NETO2: variants seen among roughly 807,000 people sequenced by gnomAD.
NETO2 encodes neuropilin and tolloid-like protein 2.
A neutral mutation model predicts 62.5 loss-of-function variants in NETO2; 28 were observed. The observed-to-expected ratio is 0.45, with a 90% confidence interval of 0.33 to 0.61. The LOEUF is 0.61. Among genes scored for constraint, NETO2 ranks in the 20% least tolerant of loss-of-function variants. The pLI, the probability that NETO2 is intolerant of heterozygous loss-of-function variation, is 0.02. For missense variants in NETO2, 548 were observed against 643.2 expected (o/e 0.85, Z 1.60); for synonymous variants, 214 against 219.1 (o/e 0.98, Z 0.21).
At chr16:47,090,327 C>T (rs917322843) in intron 7 of NETO2, among the ~76,000 whole-genome samples, 2 of 152,158 alleles carry the variant, frequency 1.3e-5, no homozygotes, top group African/African-American at 2.4e-5. Flanking sequence ...TTAATAATTA[C>T]ACCTACATTA....
At chr16:47,130,435 C>T (rs1313897391) in intron 2 of NETO2, among the ~76,000 whole-genome samples, 1 of 150,318 alleles carries the variant, frequency 6.7e-6, no homozygotes, top group East Asian at 2.0e-4. Flanking sequence ...AGGAAAATCT[C>T]TAATATAAAT....
At chr16:47,132,097 ATTGGATG>A in intron 1 of NETO2, 72 bp from the exon 2 acceptor site, 9 of 1,136,638 alleles carry the variant, frequency 7.9e-6, no homozygotes, top group Admixed American at 5.9e-5. Flanking sequence ...AATAAATAAA[ATTGGATG>A]ACAAAAAAAG....
chr16:47,095,365 A>G (rs1963407534), intron 7 of NETO2, among the ~76,000 whole-genome samples: 6 of 152,216 alleles, frequency 3.9e-5, no homozygotes, highest in Admixed American at 3.9e-4. Flanking sequence ...CTCATCAGCA[A>G]TTAAACATAA....
At chr16:47,139,983 G>A (rs1964431321) in intron 1 of NETO2, among the ~76,000 whole-genome samples, 2 of 152,138 alleles carry the variant, frequency 1.3e-5, no homozygotes, top group Admixed American at 1.3e-4. Flanking sequence ...TGTTACTCCA[G>A]GCATATTTAA....
chr16:47,133,299 C>T (rs139922554), intron 1 of NETO2, among the ~76,000 whole-genome samples: 26 of 151,748 alleles, frequency 1.7e-4, no homozygotes, highest in African/African-American at 4.1e-4. Context: ...GAGGGCAGGG[C>T]GCTGGTGGCT....
At chr16:47,127,267 T>C (rs984039529) in intron 4 of NETO2, among the ~76,000 whole-genome samples, 1 of 152,198 alleles carries the variant, frequency 6.6e-6, no homozygotes, top group East Asian at 1.9e-4. Context: ...GCATTAGGGA[T>C]ATGTACACGC....
Position 47,119,560 on chromosome 16 carries a change from T to G in NETO2, c.654+3097A>C, listed in dbSNP as rs544218747. 4.1e-5 allele frequency among the ~76,000 whole-genome samples: 6 copies of G among 147,626 alleles called. No individual in the cohort carries two copies. In the South Asian group the frequency reaches 1.3e-3, roughly 31 times the overall value. ...CTGATTTATTCTTTTTGTATCTTCG[T>G]TTTTTTTTTTAATTTCTGTTTTATG... On this transcript the variant is annotated intron_variant, in intron 6 of 8. Coordinates refer to ENST00000562435, the MANE Select transcript of NETO2 (RefSeq NM_018092.5).
chr16:47,119,867 T>C (rs1288482659), intron 6 of NETO2, among the ~76,000 whole-genome samples: 1 of 152,250 alleles, frequency 6.6e-6, no homozygotes, highest in South Asian at 2.1e-4. Context: ...CATGATGCTC[T>C]GCATATATGT....
intron 2 of NETO2, among the ~76,000 whole-genome samples, chr16:47,129,985 T>C (rs561616758): frequency 1.3e-5 from 2 of 152,320 alleles, no homozygotes; most frequent in East Asian, 3.9e-4. Context: ...AAAGTCTGTT[T>C]AGAATGAGTT....
chr16:47,089,185 G>C (rs1963260130), intron 7 of NETO2, among the ~76,000 whole-genome samples: 1 of 152,134 alleles, frequency 6.6e-6, no homozygotes, highest in Non-Finnish European at 1.5e-5. Flanking sequence ...CACCTGCGGA[G>C]TACTCAGCGG....
chr16:47,140,921 A>G (rs989159002), intron 1 of NETO2, among the ~76,000 whole-genome samples: 2 of 152,256 alleles, frequency 1.3e-5, no homozygotes, highest in African/African-American at 4.8e-5. Context: ...AGTGTGCAGA[A>G]TAAGAACAAA....
intron 1 of NETO2, among the ~76,000 whole-genome samples, chr16:47,143,057 C>A (rs1009764227): frequency 6.6e-6 from 1 of 151,888 alleles, no homozygotes; most frequent in Non-Finnish European, 1.5e-5. Context: ...CAGGTGGGAC[C>A]CGGCTGGCCC....
At chr16:47,117,019 G>A (rs191552037) in intron 6 of NETO2, among the ~76,000 whole-genome samples, 51 of 152,104 alleles carry the variant, frequency 3.4e-4, no homozygotes, top group East Asian at 2.9e-3. Flanking sequence ...TTTACCATTC[G>A]TTTCCCTTTA....
At chr16:47,093,453 C>T (rs1056722398) in intron 7 of NETO2, among the ~76,000 whole-genome samples, 6 of 152,194 alleles carry the variant, frequency 3.9e-5, no homozygotes, top group Admixed American at 1.3e-4. Flanking sequence ...GTCTTCGTCA[C>T]GGTCAATCCT....
intron 1 of NETO2, among the ~76,000 whole-genome samples, chr16:47,133,616 T>C (rs1290524775): frequency 8.7e-6 from 1 of 114,922 alleles, no homozygotes; most frequent in East Asian, 2.0e-4. Context: ...TAAAATAAAA[T>C]AAAATAAAAT....
chr16:47,102,757 A>C (rs1963583093), intron 7 of NETO2, among the ~76,000 whole-genome samples: 1 of 152,206 alleles, frequency 6.6e-6, no homozygotes, highest in African/African-American at 2.4e-5. Context: ...ATCTCACACC[A>C]GTTAGAATGG....
chr16:47,092,223 T>C (rs1272556270), intron 7 of NETO2, among the ~76,000 whole-genome samples: 6 of 152,118 alleles, frequency 3.9e-5, no homozygotes, highest in Non-Finnish European at 7.4e-5. Flanking sequence ...TATGTGGACC[T>C]GCGCAAGGAT....
intron 7 of NETO2, among the ~76,000 whole-genome samples, chr16:47,086,572 G>A (rs761556398): frequency 1.3e-5 from 2 of 152,170 alleles, no homozygotes; most frequent in Non-Finnish European, 1.5e-5. Flanking sequence ...GATAATGAAT[G>A]TATTTTCAAT....
intron 4 of NETO2, among the ~76,000 whole-genome samples, chr16:47,123,412 G>A (rs900059716): frequency 6.6e-6 from 1 of 152,094 alleles, no homozygotes; most frequent in African/African-American, 2.4e-5. Flanking sequence ...AAGCTGACCT[G>A]GGAGGATCTT....
Sources: gnomAD v4.1 joint callset for allele counts (sites outside exome capture counted in the v4.1 genomes callset) on GRCh38, gnomAD v4.1.1 for gene constraint, MANE v1.5 for transcripts, NCBI Gene and HGNC (gene_info 2026-07-23, HGNC 2026-07-21) for gene names.